GMDS: variants seen among roughly 807,000 people sequenced by gnomAD.
GMDS encodes the protein GDP-mannose 4,6 dehydratase.
A neutral mutation model predicts 49.9 loss-of-function variants in GMDS; 20 were observed. The observed-to-expected ratio is 0.40, with a 90% CI of 0.28 to 0.58. The LOEUF (loss-of-function observed/expected upper bound fraction) is 0.58, where lower values mean the gene tolerates loss of function less well. Ranked by LOEUF, GMDS falls within the 20% of genes least tolerant of loss-of-function variation. The pLI is 0.42. For missense variants in GMDS, 362 were observed against 481.4 expected (o/e 0.75, Z 2.32); for synonymous variants, 177 against 178.6 (o/e 0.99, Z 0.07).
chr6:2,032,786 C>T (rs1441702078), intron 4 of GMDS, among the ~76,000 whole-genome samples: 2 of 152,122 alleles, frequency 1.3e-5, no homozygotes, highest in African/African-American at 4.8e-5. Flanking sequence ...GTAGCTAAAA[C>T]GTCTTCCAGA....
chr6:2,097,013 T>C (rs1312663063), intron 4 of GMDS, among the ~76,000 whole-genome samples: 1 of 152,036 alleles, frequency 6.6e-6, no homozygotes, highest in African/African-American at 2.4e-5. Context: ...AATATGTATA[T>C]ATACTAACAG....
intron 7 of GMDS, among the ~76,000 whole-genome samples, chr6:1,811,888 T>C (rs896487850): frequency 2.0e-5 from 3 of 152,226 alleles, no homozygotes; most frequent in Non-Finnish European, 2.9e-5. Flanking sequence ...TACCTAATTT[T>C]AAAAAGCTCT....
At chr6:2,225,811 T>G (rs1780789086) in intron 1 of GMDS, among the ~76,000 whole-genome samples, 1 of 152,172 alleles carries the variant, frequency 6.6e-6, no homozygotes, top group African/African-American at 2.4e-5. Flanking sequence ...CAAACAACAT[T>G]AATGCTCCTA....
At chr6:2,008,691 G>A (rs1442103283) in intron 4 of GMDS, among the ~76,000 whole-genome samples, 1 of 152,174 alleles carries the variant, frequency 6.6e-6, no homozygotes, top group Non-Finnish European at 1.5e-5. Flanking sequence ...TGTAGAAAAT[G>A]ACTCATTTAG....
intron 7 of GMDS, among the ~76,000 whole-genome samples, chr6:1,792,871 A>C (rs1315611988): frequency 1.6e-4 from 25 of 152,158 alleles, no homozygotes; most frequent in Admixed American, 6.5e-5. Flanking sequence ...CAATAACAGT[A>C]TTTGGTGTGG....
At chr6:2,150,850 T>G (rs1776808240) in intron 1 of GMDS, among the ~76,000 whole-genome samples, 1 of 152,198 alleles carries the variant, frequency 6.6e-6, no homozygotes, top group African/African-American at 2.4e-5. Flanking sequence ...GCTATCTCTA[T>G]TCCACAAAAA....
intron 4 of GMDS, among the ~76,000 whole-genome samples, chr6:2,104,958 A>T (rs879902821): frequency 6.6e-6 from 1 of 152,212 alleles, no homozygotes; most frequent in East Asian, 1.9e-4. Flanking sequence ...TGAGGCGGGC[A>T]GATCACAAAG....
At chr6:1,818,332 G>A (rs1770751941) in intron 7 of GMDS, among the ~76,000 whole-genome samples, 1 of 152,166 alleles carries the variant, frequency 6.6e-6, no homozygotes, top group African/African-American at 2.4e-5. Context: ...CTTTGGCTGG[G>A]TGCAGTGGCT....
chr6:2,222,590 C>T (rs1323656312), intron 1 of GMDS, among the ~76,000 whole-genome samples: 1 of 152,144 alleles, frequency 6.6e-6, no homozygotes, highest in Non-Finnish European at 1.5e-5. Flanking sequence ...GTAATAGACG[C>T]AATTACCAGC....
chr6:1,649,515 A>G (rs1446198692), intron 9 of GMDS, among the ~76,000 whole-genome samples: 1 of 152,248 alleles, frequency 6.6e-6, no homozygotes, highest in Non-Finnish European at 1.5e-5. Flanking sequence ...TGCTCATAAT[A>G]CGCCATTAAA....
intron 4 of GMDS, among the ~76,000 whole-genome samples, chr6:2,013,015 A>G (rs1379540449): frequency 6.6e-6 from 1 of 152,170 alleles, no homozygotes; most frequent in East Asian, 1.9e-4. Flanking sequence ...GGCCGCATCT[A>G]TCTGTCCTGT....
intron 1 of GMDS, among the ~76,000 whole-genome samples, chr6:2,222,159 T>C (rs73716975): frequency 1.3e-5 from 2 of 152,192 alleles, no homozygotes; most frequent in Non-Finnish European, 2.9e-5. Context: ...CAAATTACGA[T>C]GCAAATTCTA....
intron 9 of GMDS, among the ~76,000 whole-genome samples, chr6:1,683,691 CACTT>C (rs1422318740): frequency 6.6e-6 from 1 of 152,188 alleles, no homozygotes; most frequent in Non-Finnish European, 1.5e-5. Context: ...GCTTTTGTCT[CACTT>C]GTGTTTTTCC....
At chr6:1,765,792 C>T (rs950116197) in intron 7 of GMDS, among the ~76,000 whole-genome samples, 2 of 152,132 alleles carry the variant, frequency 1.3e-5, no homozygotes, top group African/African-American at 4.8e-5. Flanking sequence ...CGAGACACTC[C>T]CCGATGGAGG....
At chr6:2,144,292 C>T (rs1462236133) in intron 1 of GMDS, among the ~76,000 whole-genome samples, 2 of 152,182 alleles carry the variant, frequency 1.3e-5, no homozygotes, top group Non-Finnish European at 2.9e-5. Flanking sequence ...AGTAGAGGCT[C>T]AGGAATCAGC....
chr6:1,727,667 G>A (rs1766644519), intron 8 of GMDS, among the ~76,000 whole-genome samples: 1 of 152,114 alleles, frequency 6.6e-6, no homozygotes, highest in Non-Finnish European at 1.5e-5. Flanking sequence ...GGAATAGGTT[G>A]AGAATTAAAG....
intron 1 of GMDS, among the ~76,000 whole-genome samples, chr6:2,193,116 AG>A (rs1779121159): frequency 1.3e-5 from 2 of 152,294 alleles, no homozygotes; most frequent in African/African-American, 4.8e-5. Context: ...GGTGGAAACC[AG>A]GAACACTAGA....
At chr6:1,772,062 G>A (rs1768599634) in intron 7 of GMDS, among the ~76,000 whole-genome samples, 1 of 152,186 alleles carries the variant, frequency 6.6e-6, no homozygotes, top group East Asian at 1.9e-4. Context: ...GGCTTACAGG[G>A]ACTAGAAGAA....
At chr6:1,972,714 A>G (rs1266791426) in intron 4 of GMDS, among the ~76,000 whole-genome samples, 1 of 152,196 alleles carries the variant, frequency 6.6e-6, no homozygotes, top group African/African-American at 2.4e-5. Context: ...CTTTCCATCA[A>G]TAGGGACAAC....
Sources: gnomAD v4.1 joint callset for allele counts (sites outside exome capture counted in the v4.1 genomes callset) on GRCh38, gnomAD v4.1.1 for gene constraint, MANE v1.5 for transcripts, NCBI Gene and HGNC (gene_info 2026-07-23, HGNC 2026-07-21) for gene names.